Variants in R3HCC1L observed in about 807,000 individuals in gnomAD.
R3HCC1L encodes the protein coiled-coil domain-containing protein R3HCC1L.
R3HCC1L carries 51 observed loss-of-function variants against 59.9 expected under a neutral mutation model. The observed-to-expected ratio is 0.85, with a 90% confidence interval of 0.68 to 1.07. The LOEUF (loss-of-function observed/expected upper bound fraction) is 1.07. Among genes scored for constraint, R3HCC1L ranks in the 50% least tolerant of loss-of-function variants. The pLI, the probability that R3HCC1L is intolerant of heterozygous loss-of-function variation, is 0.00. For missense variants in R3HCC1L, 965 were observed against 933.0 expected (o/e 1.03, Z -0.45); for synonymous variants, 322 against 315.2 (o/e 1.02, Z -0.23).
At chr10:98,222,179 T>C (rs928530681) in intron 5 of R3HCC1L, among the ~76,000 whole-genome samples, 2 of 152,214 alleles carry the variant, frequency 1.3e-5, no homozygotes, top group African/African-American at 4.8e-5. Context: ...GGCTGTCTGT[T>C]TGTCTGTTAC....
At chr10:98,136,620 G>A (rs1844611968) in intron 1 of R3HCC1L, among the ~76,000 whole-genome samples, 1 of 152,180 alleles carries the variant, frequency 6.6e-6, no homozygotes, top group Non-Finnish European at 1.5e-5. Context: ...CAGATTGCCT[G>A]AGCTCAGGAG....
chr10:98,165,028 G>A (rs973546348), intron 4 of R3HCC1L, among the ~76,000 whole-genome samples: 4 of 152,320 alleles, frequency 2.6e-5, no homozygotes, highest in Admixed American at 2.0e-4. Context: ...GGGAGGCCCA[G>A]GTGGGCAGAT....
At chr10:98,169,422 A>C (rs182935830) in intron 4 of R3HCC1L, among the ~76,000 whole-genome samples, 188 of 152,322 alleles carry the variant, frequency 1.2e-3, no homozygotes, top group Middle Eastern at 6.8e-3. Flanking sequence ...TATAGTTGGA[A>C]CCAAATGAGA....
At chr10:98,213,870 A>G (rs1158419674) in intron 5 of R3HCC1L, among the ~76,000 whole-genome samples, 1 of 152,122 alleles carries the variant, frequency 6.6e-6, no homozygotes, top group South Asian at 2.1e-4. Flanking sequence ...TTGACTGCCT[A>G]AGTGGGGATT....
chr10:98,180,131 TC>T (rs941068570), intron 4 of R3HCC1L, among the ~76,000 whole-genome samples: 2 of 152,186 alleles, frequency 1.3e-5, no homozygotes, highest in Non-Finnish European at 2.9e-5. Context: ...CTTCTCTAGT[TC>T]TTTTACTTGT....
intron 1 of R3HCC1L, among the ~76,000 whole-genome samples, chr10:98,139,946 G>A (rs7897072): frequency 0.033 from 4,934 of 151,362 alleles, 245 homozygotes; most frequent in African/African-American, 0.11. Flanking sequence ...ATCTAGTATC[G>A]TGAGGTTTCC....
chr10:98,187,273 C>G (rs971132936), intron 4 of R3HCC1L, among the ~76,000 whole-genome samples: 1 of 151,768 alleles, frequency 6.6e-6, no homozygotes, highest in African/African-American at 2.4e-5. Flanking sequence ...AATCTGAAAT[C>G]TGAAATGCTC....
At chr10:98,135,855 C>A (rs942654600) in intron 1 of R3HCC1L, among the ~76,000 whole-genome samples, 1 of 152,172 alleles carries the variant, frequency 6.6e-6, no homozygotes, top group African/African-American at 2.4e-5. Context: ...CAACTAATAC[C>A]TGTCCCCAGC....
intron 5 of R3HCC1L, 36 bp from the exon 6 acceptor site, chr10:98,231,476 A>T: frequency 1.3e-6 from 2 of 1,571,978 alleles, no homozygotes; most frequent in South Asian, 2.3e-5. Context: ...ACCAGGTTTA[A>T]TGTAACCGGC....
At chr10:98,206,354 A>T (rs905886531) in intron 4 of R3HCC1L, among the ~76,000 whole-genome samples, 2 of 150,732 alleles carry the variant, frequency 1.3e-5, no homozygotes, top group African/African-American at 4.9e-5. Context: ...CCTCCAAAAG[A>T]GATCCTTGTA....
chr10:98,221,562 G>GT (rs1282837219), intron 5 of R3HCC1L, among the ~76,000 whole-genome samples: 6 of 151,672 alleles, frequency 4.0e-5, no homozygotes, highest in African/African-American at 1.2e-4. Flanking sequence ...TGTATAAGGT[G>GT]TAAGGAAGGG....
intron 4 of R3HCC1L, among the ~76,000 whole-genome samples, chr10:98,191,567 GA>G (rs1483443624): frequency 1.1e-4 from 17 of 152,276 alleles, no homozygotes; most frequent in African/African-American, 4.1e-4. Flanking sequence ...TTTGTCAGAT[GA>G]GTAGATTGCA....
intron 4 of R3HCC1L, among the ~76,000 whole-genome samples, chr10:98,185,979 A>C (rs1370353146): frequency 1.3e-5 from 2 of 152,204 alleles, no homozygotes; most frequent in African/African-American, 2.4e-5. Context: ...GAGATACTCA[A>C]ATGTGAAGAT....
At chr10:98,159,740 C>T (rs1269286871) in intron 2 of R3HCC1L, among the ~76,000 whole-genome samples, 1 of 152,182 alleles carries the variant, frequency 6.6e-6, no homozygotes, top group East Asian at 1.9e-4. Context: ...ATGCCCCTGT[C>T]ATTCTTTGAG....
At chr10:98,206,838 G>A (rs1458092181) in intron 4 of R3HCC1L, among the ~76,000 whole-genome samples, 1 of 152,070 alleles carries the variant, frequency 6.6e-6, no homozygotes, top group Non-Finnish European at 1.5e-5. Context: ...TAAATGTTAA[G>A]GTCATATTCT....
intron 4 of R3HCC1L, among the ~76,000 whole-genome samples, chr10:98,177,081 G>A (rs191694905): frequency 2.0e-3 from 300 of 152,156 alleles, no homozygotes; most frequent in African/African-American, 6.8e-3. Context: ...TGCACAATGT[G>A]TAGGTTTGTT....
intron 4 of R3HCC1L, among the ~76,000 whole-genome samples, chr10:98,206,328 A>T (rs907272782): frequency 7.5e-6 from 1 of 132,916 alleles, no homozygotes; most frequent in African/African-American, 2.9e-5. Context: ...TTGATTCTTT[A>T]AAAAAAAAAA....
intron 5 of R3HCC1L, among the ~76,000 whole-genome samples, chr10:98,231,301 T>C (rs1856355654): frequency 6.6e-6 from 1 of 152,196 alleles, no homozygotes. Context: ...ATTTCAACAC[T>C]TTTTCAACAG....
At chr10:98,160,966 T>C (rs922310209) in intron 2 of R3HCC1L, among the ~76,000 whole-genome samples, 2 of 152,218 alleles carry the variant, frequency 1.3e-5, no homozygotes, top group African/African-American at 4.8e-5. Flanking sequence ...TTCTAATATT[T>C]TGAATTTACA....
Sources: allele counts gnomAD v4.1 joint callset (sites outside exome capture counted in the v4.1 genomes callset), GRCh38; gene constraint gnomAD v4.1.1; transcripts MANE v1.5; gene names NCBI Gene and HGNC (gene_info 2026-07-23, HGNC 2026-07-21).